Variants in SLC44A1 observed in about 807,000 individuals in gnomAD.
SLC44A1 encodes solute carrier family 44 member 1, also known as choline transporter-like protein 1.
A neutral mutation model predicts 79.3 loss-of-function variants in SLC44A1; 26 were observed. That is an observed-to-expected ratio of 0.33 (90% CI 0.24 to 0.46). The LOEUF (loss-of-function observed/expected upper bound fraction) is 0.46. Ranked by LOEUF, SLC44A1 falls within the 20% of genes least tolerant of loss-of-function variation. The pLI is 1.00. For synonymous variants in SLC44A1, 263 were observed against 286.2 expected, an observed-to-expected ratio of 0.92 and a Z score of 0.82; for missense variants, 688 against 798.1, an observed-to-expected ratio of 0.86 and a Z score of 1.66.
At chr9:105,386,330 A>G (rs746314333) in intron 15 of SLC44A1, 122 of 941,828 alleles carry the variant, frequency 1.3e-4, no homozygotes, top group Non-Finnish European at 1.5e-4. Flanking sequence ...GTATTTTTTT[A>G]AATAGCATGT....
At chr9:105,374,827 A>G in intron 13 of SLC44A1, 92 bp downstream of exon 13, 1 of 1,000,258 alleles carries the variant, frequency 1.0e-6, no homozygotes, top group South Asian at 1.5e-5. Flanking sequence ...CCACCAAAAA[A>G]CTAAAAGTAA....
At chr9:105,372,374 C>T (rs1298383881) in intron 12 of SLC44A1, among the ~76,000 whole-genome samples, 1 of 152,004 alleles carries the variant, frequency 6.6e-6, no homozygotes, top group African/African-American at 2.4e-5. Flanking sequence ...CTGCAACCTC[C>T]ACCTCCCTGG....
intron 3 of SLC44A1, among the ~76,000 whole-genome samples, chr9:105,324,297 T>C (rs1588781032): frequency 6.8e-6 from 1 of 148,070 alleles, no homozygotes; most frequent in African/African-American, 2.5e-5. Flanking sequence ...GTGGTCTAGG[T>C]GGGAGTGCAG....
At chr9:105,271,691 G>A (rs1382733884) in intron 1 of SLC44A1, among the ~76,000 whole-genome samples, 1 of 152,098 alleles carries the variant, frequency 6.6e-6, no homozygotes, top group Non-Finnish European at 1.5e-5. Flanking sequence ...TCAGCACACG[G>A]CAACCTCCAC....
At chr9:105,261,627 C>T (rs991853772) in intron 1 of SLC44A1, among the ~76,000 whole-genome samples, 1 of 152,060 alleles carries the variant, frequency 6.6e-6, no homozygotes, top group Non-Finnish European at 1.5e-5. Context: ...TGTTCATGGG[C>T]TGGTGTGCTG....
At chr9:105,410,635 A>C (rs1398080992) in intron 15 of SLC44A1, among the ~76,000 whole-genome samples, 1 of 152,218 alleles carries the variant, frequency 6.6e-6, no homozygotes, top group Non-Finnish European at 1.5e-5. Context: ...CTTGGAAAAC[A>C]GTTTGGCAGT....
rs530516868 is a variant in SLC44A1, at chr9:105,254,062, TA to T, written c.36+9166del. 5.9e-5 allele frequency among the ~76,000 whole-genome samples: 9 copies of T among 151,914 alleles called. No homozygotes were observed. The South Asian group carries it at 1.5e-3, about 25-fold the overall frequency. On this transcript the variant is annotated intron_variant, in intron 1 of 15. Coordinates refer to ENST00000374720, the MANE Select transcript of SLC44A1 (RefSeq NM_080546.5). ...CAAAGAAACAAACAAATAATAATAATAAAAAAAACCCTTAAATCCAAATAGC... is the reference window on the plus strand; with the variant it reads ...CAAAGAAACAAACAAATAATAATAATAAAAAAACCCTTAAATCCAAATAGC...
chr9:105,351,301 A>G (rs1051514652), intron 5 of SLC44A1, among the ~76,000 whole-genome samples: 1 of 152,168 alleles, frequency 6.6e-6, no homozygotes, highest in African/African-American at 2.4e-5. Context: ...TGGGAGGCCA[A>G]GGCAGGTGGA....
chr9:105,288,833 A>G lies in SLC44A1; in HGVS notation c.37-10387A>G, dbSNP rs148984135. On this transcript the variant is annotated intron_variant, in intron 1 of 15. Coordinates refer to ENST00000374720, the MANE Select transcript of SLC44A1 (RefSeq NM_080546.5). ...CTTATTCTCTGATTTCTAGAAATAT[A>G]ATGAGAGAGGTCAGCATTGTCTGCA... Among the ~76,000 whole-genome samples the G allele has an allele frequency of 1.5e-3, 229 of 152,356 alleles. 2 individuals carry two copies. The highest frequency in any genetic ancestry group is 5.3e-3 in the African/African-American group (221 of 41,582).
chr9:105,379,378 G>A (rs961167531), intron 13 of SLC44A1, among the ~76,000 whole-genome samples: 22 of 152,100 alleles, frequency 1.4e-4, no homozygotes, highest in Non-Finnish European at 7.4e-5. Context: ...CAAAGTGAAG[G>A]GTTCCAGTGA....
At chr9:105,335,337 CATTT>C (rs1826878636) in intron 3 of SLC44A1, among the ~76,000 whole-genome samples, 1 of 152,022 alleles carries the variant, frequency 6.6e-6, no homozygotes, top group African/African-American at 2.4e-5. Flanking sequence ...ACAATACAAA[CATTT>C]AAATATTAGA....
At chr9:105,282,291 A>C (rs1015871392) in intron 1 of SLC44A1, among the ~76,000 whole-genome samples, 1 of 151,132 alleles carries the variant, frequency 6.6e-6, no homozygotes, top group Non-Finnish European at 1.5e-5. Context: ...TAGAGCTATT[A>C]ATTTGATGGT....
At chr9:105,372,312 G>A (rs1828127769) in intron 12 of SLC44A1, among the ~76,000 whole-genome samples, 1 of 151,902 alleles carries the variant, frequency 6.6e-6, no homozygotes, top group African/African-American at 2.4e-5. Context: ...TTTTGGAGAT[G>A]GAGTCTCACT....
In SLC44A1 at chr9:105,272,017, A is replaced by G. The variant is rs555225942; in HGVS notation, c.36+27113A>G. 7.9e-5 allele frequency among the ~76,000 whole-genome samples: 12 copies of G among 152,314 alleles called. No homozygotes were observed. The South Asian group carries it at 1.7e-3, about 21-fold the overall frequency. On this transcript the variant is annotated intron_variant, in intron 1 of 15. Coordinates refer to ENST00000374720, the MANE Select transcript of SLC44A1 (RefSeq NM_080546.5). ...TAGAAATTATTTTGTTATGTTTTAC[A>G]TACTAGTTGAAAGCAAGAGTCTGTT...
intron 15 of SLC44A1, among the ~76,000 whole-genome samples, chr9:105,404,508 T>TA (rs1829003280): frequency 6.6e-6 from 1 of 152,158 alleles, no homozygotes; most frequent in Non-Finnish European, 1.5e-5. Context: ...TGATGTAGGA[T>TA]TTGGAGTATT....
At chr9:105,368,480 A>T (rs547231822) in intron 12 of SLC44A1, among the ~76,000 whole-genome samples, 1 of 152,192 alleles carries the variant, frequency 6.6e-6, no homozygotes, top group African/African-American at 2.4e-5. Context: ...TTATTTTCTC[A>T]TCTGTTTCAT....
chr9:105,246,373 C>CT (rs11284181), intron 1 of SLC44A1, among the ~76,000 whole-genome samples: 1,813 of 119,070 alleles, frequency 0.015, 12 homozygotes, highest in African/African-American at 0.018. Flanking sequence ...TTCCTCCAGT[C>CT]TTTTTTTTTT....
chr9:105,266,554 T>A (rs1488443270), intron 1 of SLC44A1, among the ~76,000 whole-genome samples: 1 of 152,232 alleles, frequency 6.6e-6, no homozygotes, highest in Non-Finnish European at 1.5e-5. Context: ...CAGTGCAATT[T>A]ATTGACAAAG....
intron 1 of SLC44A1, among the ~76,000 whole-genome samples, chr9:105,251,856 C>A (rs1829596366): frequency 6.6e-6 from 1 of 152,158 alleles, no homozygotes; most frequent in African/African-American, 2.4e-5. Context: ...ACTCTCATAG[C>A]CTTATGTGTT....
Sources: allele counts gnomAD v4.1 joint callset (sites outside exome capture counted in the v4.1 genomes callset), GRCh38; gene constraint gnomAD v4.1.1; transcripts MANE v1.5; gene names NCBI Gene and HGNC (gene_info 2026-07-23, HGNC 2026-07-21).